The following SLC7A8 variants were observed in gnomAD, a reference collection of about 807,000 sequenced individuals.
The protein encoded by SLC7A8 is solute carrier family 7 member 8, also known as large neutral amino acids transporter small subunit 2.
Under a neutral mutation model 51.2 loss-of-function variants are expected in SLC7A8, and 30 were observed. The observed-to-expected ratio is 0.59, with a 90% CI of 0.44 to 0.80. SLC7A8 has a LOEUF of 0.80. SLC7A8 is among the 30% of genes least tolerant of loss of function. The pLI is 0.00. For missense variants in SLC7A8, 612 were observed against 674.4 expected, an observed-to-expected ratio of 0.91 and a Z score of 1.03; for synonymous variants, 257 against 275.8, an observed-to-expected ratio of 0.93 and a Z score of 0.67.
In SLC7A8 at chr14:23,166,398, G is replaced by A; in HGVS notation, c.294C>T (p.Val98=). 1 of 1,614,148 alleles carries A rather than the reference G, an allele frequency of 6.2e-7. No homozygotes were observed. The highest frequency in any genetic ancestry group is 8.5e-7 in the Non-Finnish European group (1 of 1,180,044). ...AGTCACCTCCAGATTTGGGGATGGT[G>A]ACCCCGAGTTCAGCATAGCAGAGGG... ...VGALCYAELG[V]TIPKSGGDYS... Residue 98 remains valine (V), a synonymous_variant, in exon 2 of 11, where the codon GTC becomes GTT. Coordinates refer to ENST00000316902, the MANE Select transcript of SLC7A8 (RefSeq NM_012244.4).
At chr14:23,173,899 C>G (rs893694683) in intron 1 of SLC7A8, among the ~76,000 whole-genome samples, 1 of 152,194 alleles carries the variant, frequency 6.6e-6, no homozygotes, top group Non-Finnish European at 1.5e-5. Flanking sequence ...CCTCAGCCTC[C>G]CAAAGTGCTG....
At chr14:23,132,687 G>C (rs1353828312) in intron 7 of SLC7A8, among the ~76,000 whole-genome samples, 1 of 149,768 alleles carries the variant, frequency 6.7e-6, no homozygotes, top group Non-Finnish European at 1.5e-5. Flanking sequence ...CCAGGCTGGA[G>C]TGCAATAGCA....
intron 3 of SLC7A8, chr14:23,155,190 C>G (rs868386044): frequency 6.5e-7 from 1 of 1,535,928 alleles, no homozygotes; most frequent in South Asian, 1.2e-5. Context: ...CTCGGAACCC[C>G]CTCCAAAGGA....
rs746796255 is a variant in SLC7A8 at position 23,139,435 on chromosome 14, C to T, written c.901G>A (p.Ala301Thr). The change falls in exon 6 of 11, where the codon GCC becomes ACC. Residue 301 changes from alanine to threonine, a missense_variant. Coordinates refer to ENST00000316902, the MANE Select transcript of SLC7A8 (RefSeq NM_012244.4). Reference sequence around the variant, plus strand: ...CTTTCATTTCTTACCACAGCGACGGCGTTGGATGCCAGCAGCTCCTGGGGG... The same window carrying T: ...CTTTCATTTCTTACCACAGCGACGGTGTTGGATGCCAGCAGCTCCTGGGGG... ...MSPQELLASN[A>T]VAVTFGEKLL... 3.1e-6 allele frequency: 5 copies of T among 1,613,842 alleles called. No homozygotes were observed. Among genetic ancestry groups the T allele is most frequent in the Non-Finnish European group, 4.2e-6 (5 of 1,179,918 alleles).
At chr14:23,140,026 G>C (rs867152117) in intron 5 of SLC7A8, among the ~76,000 whole-genome samples, 8 of 151,818 alleles carry the variant, frequency 5.3e-5, no homozygotes, top group Non-Finnish European at 1.0e-4. Flanking sequence ...CAAAACAAAA[G>C]AAAAAATAAG....
In SLC7A8 at chr14:23,129,804, G is replaced by A; in HGVS notation, c.1114-5C>T. ...CATCAGCAGGGTGGAGATGCACTGG[G>A]AAAGTGGGAGGAGCTCATCAGTGAT... On this transcript the variant is annotated splice_polypyrimidine_tract_variant and splice_region_variant and intron_variant, in intron 8 of 10. Transcript: ENST00000316902. 6.2e-7 allele frequency: 1 copy of A among 1,613,952 alleles called. No homozygotes were observed. Among genetic ancestry groups the A allele is most frequent in the Non-Finnish European group, 8.5e-7 (1 of 1,179,896 alleles).
chr14:23,134,437 C>CAAAAAAAAAAAAA (rs57162273), intron 7 of SLC7A8, among the ~76,000 whole-genome samples: 2 of 64,186 alleles, frequency 3.1e-5, no homozygotes, highest in African/African-American at 7.0e-5. Flanking sequence ...ACCCTGTCTC[C>CAAAAAAAAAAAAA]AAAAAAAAAA....
At chr14:23,172,505 G>A (rs1411633258) in intron 1 of SLC7A8, among the ~76,000 whole-genome samples, 1 of 152,170 alleles carries the variant, frequency 6.6e-6, no homozygotes, top group Non-Finnish European at 1.5e-5. Flanking sequence ...GACAGGCATC[G>A]TAGCCTGGGG....
chr14:23,142,028 C>T (rs17127069), intron 4 of SLC7A8, among the ~76,000 whole-genome samples: 2,361 of 152,286 alleles, frequency 0.016, 62 homozygotes, highest in African/African-American at 0.053. Context: ...GACAAGATAG[C>T]GCAGTGATTT....
intron 1 of SLC7A8, among the ~76,000 whole-genome samples, chr14:23,172,543 CAAAT>C (rs2048980120): frequency 1.3e-5 from 2 of 152,164 alleles, no homozygotes; most frequent in Non-Finnish European, 2.9e-5. Context: ...GTTGCGCCCT[CAAAT>C]AAGCCCATGA....
Position 23,165,324 on chromosome 14 carries a change from G to T in SLC7A8, c.469C>A (p.Pro157Thr). The T allele has an allele frequency of 1.2e-6, 2 of 1,608,416 alleles. No homozygotes were observed. Among genetic ancestry groups the T allele is most frequent in the Non-Finnish European group, 1.7e-6 (2 of 1,177,526 alleles). Residue 157 changes from proline to threonine, a missense_variant, in exon 3 of 11, where the codon CCA (proline) becomes ACA (threonine). Physicochemically the swap from Pro to Thr is conservative, Grantham distance 38. Transcript: ENST00000316902. This position sits in a 1 kb window ranked among gnomAD's most constrained non-coding sequence, Gnocchi z 4.2. ...LQPLFPTCFP[P>T]ESGLRLLAAI... ...GCCAGGAGCCGAAGGCCAGACTCTG[G>T]GGGGAAGCAGGTGGGGAAGAGCGGC...
At chr14:23,139,614 G>A (rs2048724250) in intron 5 of SLC7A8, 67 bp from the exon 6 acceptor site, 2 of 1,552,808 alleles carry the variant, frequency 1.3e-6, no homozygotes, top group African/African-American at 2.7e-5. Flanking sequence ...ATGGAGTCCA[G>A]GGGGTGTCTT....
At chr14:23,134,107 C>A (rs947622145) in intron 7 of SLC7A8, among the ~76,000 whole-genome samples, 1 of 151,600 alleles carries the variant, frequency 6.6e-6, no homozygotes, top group Non-Finnish European at 1.5e-5. Flanking sequence ...CACCCAAATG[C>A]CAATTAATTT....
rs985317306 is a variant in SLC7A8, at chr14:23,127,179, A to G, written c.1606T>C (p.Ter536ArgextTer41). The change falls in exon 11 of 11, where the codon TGA becomes CGA. Residue 536 changes from the stop codon to arginine (R), a stop_lost. Transcript: ENST00000316902. ...GAGTAGCCAGGGAATGGTGGTCCTC[A>G]GGGCTGGGGCTGCCCCGCCACGTCC... Reference protein sequence around the residue: ...DKDVAGQPQP* With the variant: ...DKDVAGQPQPR 1 of 1,613,978 alleles carries G rather than the reference A, an allele frequency of 6.2e-7. No individual in the cohort carries two copies. Among genetic ancestry groups the G allele is most frequent in the Admixed American group, 1.7e-5 (1 of 60,004 alleles).
At chr14:23,160,646 G>A (rs1162967238) in intron 3 of SLC7A8, among the ~76,000 whole-genome samples, 1 of 151,648 alleles carries the variant, frequency 6.6e-6, no homozygotes, top group African/African-American at 2.4e-5. Context: ...GAGTTGTACA[G>A]TAATAGATGC....
At chr14:23,177,548 T>C (rs1876976999) in intron 1 of SLC7A8, among the ~76,000 whole-genome samples, 1 of 152,202 alleles carries the variant, frequency 6.6e-6, no homozygotes, top group African/African-American at 2.4e-5. Flanking sequence ...TAAATTTAAT[T>C]TGTTTAAGGT....
chr14:23,127,140 G>C lies in SLC7A8; in HGVS notation c.*37C>G, dbSNP rs373553866. 11 of 1,611,672 alleles carry C rather than the reference G, an allele frequency of 6.8e-6. No homozygotes were observed. The highest frequency in any genetic ancestry group is 4.5e-5 in the East Asian group (2 of 44,794). ...CCAAGGCAGGGAGGTAGGATAAAAG[G>C]GGGAGGAAGGAGAGAGTAGCCAGGG... On this transcript the variant is annotated 3_prime_UTR_variant, in exon 11 of 11. Transcript: ENST00000316902.
chr14:23,140,783 G>A (rs1264362430), intron 4 of SLC7A8, among the ~76,000 whole-genome samples, 159 bp from the exon 5 acceptor site: 1 of 152,160 alleles, frequency 6.6e-6, no homozygotes, highest in Non-Finnish European at 1.5e-5. Flanking sequence ...TGGGATAAAG[G>A]GAGCAGGGAA....
chr14:23,143,076 C>T lies in SLC7A8; in HGVS notation c.634+3G>A, dbSNP rs754573374. ...CAGTACCTGTTTTTCCTGCGATACT[C>T]ACCTTTGCATATCTGTACAATCCCC... On this transcript the variant is annotated splice_donor_region_variant and intron_variant, in intron 4 of 10. Transcript: ENST00000316902. 5 of 1,613,974 alleles carry T rather than the reference C, an allele frequency of 3.1e-6. No individual in the cohort carries two copies. Among genetic ancestry groups the T allele is most frequent in the South Asian group, 1.1e-5 (1 of 91,058 alleles).
Sources: gnomAD v4.1 joint callset for allele counts (sites outside exome capture counted in the v4.1 genomes callset) on GRCh38, gnomAD v4.1.1 for gene constraint, Gnocchi (gnomAD v3.1) non-coding constraint, MANE v1.5 for transcripts, NCBI Gene and HGNC (gene_info 2026-07-23, HGNC 2026-07-21) for gene names.